Variants in SORL1 observed in about 807,000 individuals in gnomAD.
The protein encoded by SORL1 is sortilin-related receptor.
SORL1 carries 127 observed loss-of-function variants against 273.7 expected under a neutral mutation model. The ratio of observed to expected loss-of-function variants is 0.46; its 90% confidence interval spans 0.40 to 0.54. The LOEUF (loss-of-function observed/expected upper bound fraction) is 0.54. Among genes scored for constraint, SORL1 ranks in the 20% least tolerant of loss-of-function variants. SORL1 has a pLI of 0.00. For synonymous variants in SORL1, 1,031 were observed against 1,067.4 expected (o/e 0.97, Z 0.66); for missense variants, 2,494 against 2,846.1 (o/e 0.88, Z 2.81).
At chr11:121,600,301 T>C (rs1057215076) in intron 32 of SORL1, among the ~76,000 whole-genome samples, 3 of 152,162 alleles carry the variant, frequency 2.0e-5, no homozygotes, top group African/African-American at 7.2e-5. Context: ...TTTATTTAGG[T>C]TGAAAGCCAT....
chr11:121,577,050 T>A, intron 24 of SORL1: 1 of 1,208,620 alleles, frequency 8.3e-7, no homozygotes, highest in South Asian at 1.3e-5. Flanking sequence ...CAAGCAGCTC[T>A]AAGGGTCTGA....
chr11:121,468,667 C>T (rs1190817576), intron 1 of SORL1, among the ~76,000 whole-genome samples: 1 of 152,108 alleles, frequency 6.6e-6, no homozygotes, highest in African/African-American at 2.4e-5. Flanking sequence ...GTGATCTGCC[C>T]GCCTTGGCCT....
intron 21 of SORL1, chr11:121,566,689 C>A: frequency 2.5e-6 from 1 of 407,454 alleles, no homozygotes; most frequent in Non-Finnish European, 4.4e-6. Context: ...TACAAATTCC[C>A]AGGAGGAACC....
chr11:121,579,680 T>A (rs1439937642), intron 25 of SORL1, among the ~76,000 whole-genome samples: 1 of 152,248 alleles, frequency 6.6e-6, no homozygotes, highest in Non-Finnish European at 1.5e-5. Flanking sequence ...ATACCTAGTA[T>A]TTTAAACACT....
In SORL1 at chr11:121,627,555, G is replaced by A. The variant is rs1863814627; in HGVS notation, c.6365G>A (p.Gly2122Asp). 1.2e-6 allele frequency: 2 copies of A among 1,612,710 alleles called. No homozygotes were observed. Among genetic ancestry groups the A allele is most frequent in the Admixed American group, 1.7e-5 (1 of 60,028 alleles). Residue 2122 changes from glycine (G) to aspartate (D), a missense_variant and splice_region_variant, in exon 47 of 48, where the codon GGT (glycine) becomes GAT (aspartate). Physicochemically the swap from Gly to Asp is moderately conservative, Grantham distance 94. Transcript: ENST00000260197. This position sits in a 1 kb window ranked among gnomAD's most constrained non-coding sequence, Gnocchi z 4.9. Reference protein sequence around the residue: ...AILLYDELGSGADASATQAAR... With the variant: ...AILLYDELGSDADASATQAAR... ...ATTGGTGGGAACTTTGCCTTGGCAG[G>A]TGCAGATGCATCTGCAACGCAGGCT...
chr11:121,466,444 C>T (rs944531148), intron 1 of SORL1, among the ~76,000 whole-genome samples: 1 of 152,100 alleles, frequency 6.6e-6, no homozygotes, highest in Non-Finnish European at 1.5e-5. Context: ...ATCTAGGGAC[C>T]TGTGGGTTGT....
At chr11:121,553,785 T>C in intron 16 of SORL1, 152 bp from the exon 17 acceptor site, 1 of 706,320 alleles carries the variant, frequency 1.4e-6, no homozygotes, top group East Asian at 2.6e-5. Flanking sequence ...ATTACACACC[T>C]CCTGAGTCTT....
At chr11:121,518,451 T>C (rs1174909674) in intron 8 of SORL1, among the ~76,000 whole-genome samples, 1 of 152,052 alleles carries the variant, frequency 6.6e-6, no homozygotes, top group Non-Finnish European at 1.5e-5. Context: ...AAGTAAAAGA[T>C]AAAACTCCAG....
At chr11:121,477,767 T>C (rs1861297833) in intron 2 of SORL1, among the ~76,000 whole-genome samples, 1 of 152,098 alleles carries the variant, frequency 6.6e-6, no homozygotes, top group Admixed American at 6.5e-5. Flanking sequence ...CGGTGGCTCA[T>C]GCCTGTAATC....
At chr11:121,509,448 T>A (rs1482241334) in intron 6 of SORL1, among the ~76,000 whole-genome samples, 1 of 152,208 alleles carries the variant, frequency 6.6e-6, no homozygotes, top group African/African-American at 2.4e-5. Context: ...ATTCAGGTTA[T>A]TCAGATACCT....
At chr11:121,626,836 G>A (rs1005519032) in intron 46 of SORL1, 26 of 152,340 alleles carry the variant, frequency 1.7e-4, no homozygotes, top group African/African-American at 4.3e-4. Flanking sequence ...AGGATGGGAC[G>A]TGGGGCATGG....
At chr11:121,591,272 C>A in intron 31 of SORL1, 116 bp downstream of exon 31, 3 of 1,063,326 alleles carry the variant, frequency 2.8e-6, no homozygotes, top group South Asian at 1.4e-5. Flanking sequence ...TGGGACTCTG[C>A]TGTGTGGCCA....
rs768102538 is a variant in SORL1 at position 121,605,406 on chromosome 11, G to T, written c.4783G>T (p.Val1595Phe). ...CTTTATTTTTTTTTGGGCCAGGGTG[G>T]TTGGAGAGAGCATATGGAAGACTCT... ...SCVYNVYYRVVGESIWKTLET... is the reference protein window; with the variant it reads ...SCVYNVYYRVFGESIWKTLET... Residue 1595 changes from valine to phenylalanine, a missense_variant, in exon 35 of 48, where the codon GTT becomes TTT. Physicochemically the swap from Val to Phe is conservative, Grantham distance 50 (BLOSUM62 -1). Around this residue, in one of 3 missense-constraint regions of SORL1, gnomAD observed 1,609 missense variants for 1,816.4 expected, o/e 0.89. Transcript: ENST00000260197. 41 of 1,609,932 alleles carry T rather than the reference G, an allele frequency of 2.5e-5. 1 individual carries two copies. Among genetic ancestry groups the T allele is most frequent in the African/African-American group, 6.7e-5 (5 of 74,770 alleles).
chr11:121,580,538 GT>G (rs371279841), intron 25 of SORL1, among the ~76,000 whole-genome samples: 1 of 135,774 alleles, frequency 7.4e-6, no homozygotes, highest in African/African-American at 2.8e-5. Flanking sequence ...AATACTTTAT[GT>G]TTTTTCTTCT....
chr11:121,540,802 A>G (rs1439313796), intron 12 of SORL1, among the ~76,000 whole-genome samples: 1 of 152,242 alleles, frequency 6.6e-6, no homozygotes, highest in Non-Finnish European at 1.5e-5. Flanking sequence ...GGAACTCTCA[A>G]GAAATGGGGT....
chr11:121,599,374 A>G (rs1031718650), intron 32 of SORL1, among the ~76,000 whole-genome samples: 2 of 152,180 alleles, frequency 1.3e-5, no homozygotes, highest in African/African-American at 2.4e-5. Flanking sequence ...GAGAAACCCC[A>G]TCTCTACTAA....
intron 8 of SORL1, among the ~76,000 whole-genome samples, chr11:121,518,146 G>T (rs1222793095): frequency 6.6e-6 from 1 of 152,194 alleles, no homozygotes; most frequent in South Asian, 2.1e-4. Flanking sequence ...CCTTAGGGAG[G>T]GGCATGGGCC....
At position 121,591,225 on chromosome 11, in the gene SORL1, C is replaced by G; in HGVS notation, c.4369+69C>G. On this transcript the variant is annotated intron_variant, in intron 31 of 47. Coordinates refer to ENST00000260197, the MANE Select transcript of SORL1 (RefSeq NM_003105.6). The stretch of plus-strand genomic sequence containing the variant: ...GGAGAGGACCTTCTGGGGGTGTGCT[C>G]TGGGCACAATCCAACCGGGCCCCAT... The G allele has an allele frequency of 1.9e-6, 3 of 1,558,938 alleles. No homozygotes were observed. The Admixed American group carries it at 5.0e-5, about 26-fold the overall frequency.
intron 14 of SORL1, chr11:121,547,022 G>A (rs1407968074): frequency 6.6e-6 from 1 of 152,210 alleles, no homozygotes; most frequent in Admixed American, 6.5e-5. Flanking sequence ...AAAGGTGTGT[G>A]CTCCCAAGGT....
Sources: allele counts gnomAD v4.1 joint callset (sites outside exome capture counted in the v4.1 genomes callset), GRCh38; gene constraint gnomAD v4.1.1; regional missense constraint gnomAD v4.1.1; non-coding constraint Gnocchi (gnomAD v3.1); transcripts MANE v1.5; gene names NCBI Gene and HGNC (gene_info 2026-07-23, HGNC 2026-07-21).